The following DNAH8 variants were observed in gnomAD, a reference collection of about 807,000 sequenced individuals.
DNAH8 encodes the protein axonemal beta dynein heavy chain 8.
Under a neutral mutation model 562.1 loss-of-function variants are expected in DNAH8, and 382 were observed. The ratio of observed to expected loss-of-function variants is 0.68; its 90% CI spans 0.63 to 0.74. The LOEUF is 0.74. Among genes scored for constraint, DNAH8 ranks in the 30% least tolerant of loss-of-function variants. DNAH8 has a pLI of 0.00. For missense variants in DNAH8, 5,203 were observed against 5,620.4 expected (o/e 0.93, Z 2.37); for synonymous variants, 1,881 against 1,919.4 (o/e 0.98, Z 0.52).
chr6:38,832,513 G>GAGT, intron 31 of DNAH8, 78 bp downstream of exon 31: 1 of 886,030 alleles, frequency 1.1e-6, no homozygotes. Context: ...TGAACCCTGA[G>GAGT]GAATAGGTAC....
At chr6:38,732,987 C>G (rs751649495) in intron 4 of DNAH8, among the ~76,000 whole-genome samples, 1 of 152,108 alleles carries the variant, frequency 6.6e-6, no homozygotes, top group Non-Finnish European at 1.5e-5. Flanking sequence ...CTCCCAGGCT[C>G]AAGTGATTCT....
chr6:38,950,585 G>A (rs897888850), intron 81 of DNAH8, among the ~76,000 whole-genome samples: 6 of 151,630 alleles, frequency 4.0e-5, no homozygotes, highest in Admixed American at 1.3e-4. Context: ...GACTACAGGC[G>A]CCTGCCACCA....
intron 78 of DNAH8, 80 bp downstream of exon 78, chr6:38,938,306 CA>C (rs1783133520): frequency 6.7e-7 from 1 of 1,485,874 alleles, no homozygotes; most frequent in African/African-American, 1.4e-5. Context: ...ATTGCTTTTT[CA>C]CTATTCACAA....
rs1332826440 is a variant in DNAH8 at position 38,886,776 on chromosome 6, T to G, written c.8260-15T>G. ...TAGTGATATGTTACAAAAATATTGCTGTGTGAAATTTCAGATAACTAATGA... is the reference window on the plus strand; with the variant it reads ...TAGTGATATGTTACAAAAATATTGCGGTGTGAAATTTCAGATAACTAATGA... On this transcript the variant is annotated splice_polypyrimidine_tract_variant and intron_variant, in intron 56 of 92. Transcript: ENST00000327475. 1 of 1,599,120 alleles carries G rather than the reference T, an allele frequency of 6.3e-7. No homozygotes were observed. The highest frequency in any genetic ancestry group is 2.2e-5 in the East Asian group (1 of 44,738).
chr6:38,923,356 A>T (rs1781867558), intron 72 of DNAH8, 171 bp downstream of exon 72: 1 of 754,470 alleles, frequency 1.3e-6, no homozygotes, highest in Admixed American at 3.4e-5. Flanking sequence ...TTTGTGAAAT[A>T]TTTTACATCT....
At chr6:38,731,035 G>A (rs1763626051) in intron 4 of DNAH8, among the ~76,000 whole-genome samples, 1 of 152,066 alleles carries the variant, frequency 6.6e-6, no homozygotes, top group African/African-American at 2.4e-5. Flanking sequence ...ACTTGATTGT[G>A]TTCTTCTACC....
intron 37 of DNAH8, among the ~76,000 whole-genome samples, 162 bp from the exon 38 acceptor site, chr6:38,850,089 G>A (rs1775622287): frequency 7.3e-6 from 1 of 136,970 alleles, no homozygotes; most frequent in African/African-American, 2.8e-5. Context: ...GGTTTGTGTC[G>A]CTCAGAATTA....
chr6:38,929,219 A>G (rs572746039), intron 74 of DNAH8: 3 of 222,552 alleles, frequency 1.3e-5, no homozygotes, highest in Non-Finnish European at 2.6e-5. Flanking sequence ...ATCCTTGACT[A>G]TTCTCTTCCA....
chr6:38,894,037 C>T (rs1779514939), intron 58 of DNAH8, among the ~76,000 whole-genome samples: 1 of 152,126 alleles, frequency 6.6e-6, no homozygotes, highest in Admixed American at 6.5e-5. Context: ...AGTAAATTAG[C>T]ATATAATACA....
At position 38,917,950 on chromosome 6, in the gene DNAH8, G is replaced by A; in HGVS notation, c.10334G>A (p.Trp3445Ter). Residue 3445 changes from tryptophan to a stop codon, truncating the protein, a stop_gained, in exon 70 of 93, where the codon TGG becomes TAG. Coordinates refer to ENST00000327475, the MANE Select transcript of DNAH8 (RefSeq NM_001206927.2). LOFTEE classifies it high-confidence loss of function. ...LKLMSATGFL[W>*]SLQQFPKDTI... ...TTGATGAGTGCAACAGGATTCCTGT[G>A]GAGCCTTCAGCAGTTCCCTAAGGAC... 1 of 1,613,154 alleles carries A rather than the reference G, an allele frequency of 6.2e-7. No homozygotes were observed. The highest frequency in any genetic ancestry group is 8.5e-7 in the Non-Finnish European group (1 of 1,179,582).
intron 17 of DNAH8, among the ~76,000 whole-genome samples, chr6:38,785,859 A>G (rs1769112179): frequency 6.6e-6 from 1 of 152,222 alleles, no homozygotes. Context: ...CCATATCAAG[A>G]CTAATTTTAT....
intron 82 of DNAH8, among the ~76,000 whole-genome samples, chr6:38,953,484 C>T (rs1762052298): frequency 6.6e-6 from 1 of 152,166 alleles, no homozygotes; most frequent in South Asian, 2.1e-4. Flanking sequence ...CTTTGCTTGG[C>T]AATTTGGTGG....
chr6:39,018,970 C>T (rs185723873), intron 91 of DNAH8, among the ~76,000 whole-genome samples: 1 of 152,234 alleles, frequency 6.6e-6, no homozygotes, highest in Admixed American at 6.5e-5. Context: ...GTATGCATAA[C>T]ATGGATAATT....
chr6:38,825,876 A>G (rs567682920), intron 28 of DNAH8, among the ~76,000 whole-genome samples: 1 of 152,334 alleles, frequency 6.6e-6, no homozygotes, highest in African/African-American at 2.4e-5. Flanking sequence ...TGCAAGGGTC[A>G]CACAGAACAG....
chr6:38,744,822 T>G (rs1255186646), intron 8 of DNAH8, among the ~76,000 whole-genome samples: 1 of 152,184 alleles, frequency 6.6e-6, no homozygotes, highest in Admixed American at 6.5e-5. Flanking sequence ...GGTCTCAAAC[T>G]CCTGGGCTCA....
intron 1 of DNAH8, among the ~76,000 whole-genome samples, chr6:38,715,962 T>TA (rs1562521872): frequency 3.7e-4 from 8 of 21,598 alleles, no homozygotes; most frequent in Non-Finnish European, 6.9e-4. Flanking sequence ...ATATATATAT[T>TA]TTTTTTTTTT....
intron 88 of DNAH8, 75 bp downstream of exon 88, chr6:38,990,247 C>A: frequency 1.1e-6 from 1 of 911,322 alleles, no homozygotes; most frequent in Non-Finnish European, 1.7e-6. Context: ...ATTTCATTTT[C>A]TCTCCTAATC....
At position 38,737,963 on chromosome 6, in the gene DNAH8, G is replaced by C; in HGVS notation, c.1107G>C (p.Gln369His). Residue 369 changes from glutamine (Q) to histidine (H), a missense_variant, in exon 7 of 93, where the codon CAG becomes CAC. Around this residue, in one of 6 missense-constraint regions of DNAH8, gnomAD observed 556 missense variants for 496.9 expected, o/e 1.12. Coordinates refer to ENST00000327475, the MANE Select transcript of DNAH8 (RefSeq NM_001206927.2). ...LEEVLMVWYK[Q>H]IEQVLIESEQ... ...AAGTGCTGATGGTATGGTACAAACA[G>C]ATCGAACAGGTGAATTGACTCAAAC... The C allele has an allele frequency of 6.2e-7, 1 of 1,610,706 alleles. No individual in the cohort carries two copies.
At chr6:38,925,000 T>C (rs1782000945) in intron 73 of DNAH8, 1 of 152,248 alleles carries the variant, frequency 6.6e-6, no homozygotes, top group African/African-American at 2.4e-5. Context: ...AGGCAATTTG[T>C]ATTCATGAGT....
Sources: allele counts gnomAD v4.1 joint callset (sites outside exome capture counted in the v4.1 genomes callset), GRCh38; gene constraint gnomAD v4.1.1; regional missense constraint gnomAD v4.1.1; transcripts MANE v1.5; gene names NCBI Gene and HGNC (gene_info 2026-07-23, HGNC 2026-07-21).